The following TACC3 variants were observed in gnomAD, a reference collection of about 807,000 sequenced individuals.
TACC3 encodes transforming acidic coiled-coil-containing protein 3.
TACC3 carries 52 observed loss-of-function variants against 86.0 expected under a neutral mutation model. That is an observed-to-expected ratio of 0.60 (90% CI 0.48 to 0.76). TACC3 has a LOEUF of 0.76. Among genes scored for constraint, TACC3 ranks in the 30% least tolerant of loss-of-function variants. TACC3 has a pLI of 0.00. For missense variants in TACC3, 1,120 were observed against 1,070.4 expected, an observed-to-expected ratio of 1.05 and a Z score of -0.65; for synonymous variants, 512 against 430.0, an observed-to-expected ratio of 1.19 and a Z score of -2.36.
intron 6 of TACC3, 41 bp downstream of exon 6, chr4:1,731,342 AG>A (rs775811752): frequency 6.3e-7 from 1 of 1,599,668 alleles, no homozygotes; most frequent in Admixed American, 1.7e-5. Context: ...GTCTGCCCGG[AG>A]GGGATCCCGT....
chr4:1,743,690 G>GC (rs2108723641), intron 13 of TACC3, among the ~76,000 whole-genome samples: 1 of 152,356 alleles, frequency 6.6e-6, no homozygotes, highest in Admixed American at 6.5e-5. Flanking sequence ...GTGGACGGCA[G>GC]CCCCCAGAGC....
chr4:1,722,068 T>C (rs376619533), intron 1 of TACC3, among the ~76,000 whole-genome samples: 1 of 152,234 alleles, frequency 6.6e-6, no homozygotes, highest in East Asian at 1.9e-4. Context: ...GGCGGACACC[T>C]GGGCCCCTAC....
chr4:1,744,677 C>G (rs778628682), intron 14 of TACC3, 35 bp from the exon 15 acceptor site: 1 of 1,612,174 alleles, frequency 6.2e-7, no homozygotes, highest in South Asian at 1.1e-5. Context: ...CACCTGGGCC[C>G]CAGCTCAGCC....
chr4:1,740,028 C>A (rs377369763), intron 12 of TACC3, 26 bp downstream of exon 12: 2 of 1,612,072 alleles, frequency 1.2e-6, no homozygotes, highest in East Asian at 2.2e-5. Flanking sequence ...ACCGAGGCCA[C>A]GTGCCTCCAC....
chr4:1,732,438 A>G (rs1718050098), intron 6 of TACC3, among the ~76,000 whole-genome samples: 1 of 152,258 alleles, frequency 6.6e-6, no homozygotes, highest in Non-Finnish European at 1.5e-5. Flanking sequence ...TGGAGGCTGC[A>G]GTTAAATAAA....
chr4:1,737,774 G>A (rs542105281), intron 10 of TACC3, 72 bp downstream of exon 10: 199 of 1,375,942 alleles, frequency 1.4e-4, no homozygotes, highest in Admixed American at 3.2e-4. Flanking sequence ...AGTGGGCAGG[G>A]GTCCAACAGC....
intron 12 of TACC3, chr4:1,740,533 C>T (rs981454430): frequency 1.1e-5 from 4 of 355,844 alleles, no homozygotes; most frequent in Non-Finnish European, 2.1e-5. Context: ...CTCGCCATAC[C>T]GGCTCCCAGG....
chr4:1,732,126 C>G (rs1718032097), intron 6 of TACC3, among the ~76,000 whole-genome samples: 1 of 151,456 alleles, frequency 6.6e-6, no homozygotes, highest in Non-Finnish European at 1.5e-5. Flanking sequence ...AGATTGGAGG[C>G]TGCACTTGAA....
At chr4:1,731,602 C>T (rs748476755) in intron 6 of TACC3, among the ~76,000 whole-genome samples, 8 of 152,112 alleles carry the variant, frequency 5.3e-5, no homozygotes, top group Non-Finnish European at 7.3e-5. Flanking sequence ...GAGTCAACAA[C>T]TGGATACTCG....
Position 1,745,092 on chromosome 4 carries a change from T to C in TACC3, c.*79T>C, listed in dbSNP as rs1438188187. 2.1e-6 allele frequency: 3 copies of C among 1,442,228 alleles called. No homozygotes were observed. The highest frequency in any genetic ancestry group is 2.5e-5 in the East Asian group (1 of 40,338). 89.3% of individuals were successfully genotyped at this position (1,442,228 alleles called of 1,614,324 possible). ...GATTCTCTTAGGTGTCATGTTCTTT[T>C]TTCTGTCTTGTCTTCAACTTTTTTA... On this transcript the variant is annotated 3_prime_UTR_variant, in exon 16 of 16. Transcript: ENST00000313288.
chr4:1,726,200 G>A (rs1229776681), intron 3 of TACC3, among the ~76,000 whole-genome samples: 1 of 152,140 alleles, frequency 6.6e-6, no homozygotes, highest in East Asian at 1.9e-4. Context: ...GAGACAGGTG[G>A]GTCCCTGGGA....
chr4:1,740,644 C>T (rs1718546365), intron 12 of TACC3, 182 bp from the exon 13 acceptor site: 3 of 588,848 alleles, frequency 5.1e-6, no homozygotes, highest in Non-Finnish European at 6.0e-6. Flanking sequence ...CAGCTGTTTC[C>T]TGGGCTTTGC....
intron 8 of TACC3, 89 bp from the exon 9 acceptor site, chr4:1,737,152 G>C (rs1186646399): frequency 9.0e-7 from 1 of 1,106,078 alleles, no homozygotes; most frequent in Non-Finnish European, 1.4e-6. Flanking sequence ...AAAAAGCAAA[G>C]AGCCCGGTTA....
chr4:1,735,682 G>A lies in TACC3; in HGVS notation c.1645-49G>A. On this transcript the variant is annotated intron_variant, in intron 7 of 15. Coordinates refer to ENST00000313288, the MANE Select transcript of TACC3 (RefSeq NM_006342.3). This position sits in a 1 kb window ranked among gnomAD's most constrained non-coding sequence, Gnocchi z 4.2. Reference sequence around the variant, plus strand: ...CCTCCCTGGCCCTTAGCCCCCGTGTGTGTTAGGGGATGGCAGTCAGACCTG... The same window carrying A: ...CCTCCCTGGCCCTTAGCCCCCGTGTATGTTAGGGGATGGCAGTCAGACCTG... 1 of 1,455,874 alleles carries A rather than the reference G, an allele frequency of 6.9e-7. No individual in the cohort carries two copies. The highest frequency in any genetic ancestry group is 9.6e-7 in the Non-Finnish European group (1 of 1,038,758). The allele number at this position is 1,455,874 out of a possible 1,614,324, so 90.2% of individuals were successfully genotyped here.
rs569554811 is a variant in TACC3, at chr4:1,722,559, G to A, written c.-1-862G>A. On this transcript the variant is annotated intron_variant, in intron 1 of 15. Coordinates refer to ENST00000313288, the MANE Select transcript of TACC3 (RefSeq NM_006342.3). ...GCTGCAGCACCGACCTGCCGGGGCT[G>A]CCCCCTCTCTCTTCTCCAGGACCCT... Among the ~76,000 whole-genome samples, 10 of 152,204 alleles carry A rather than the reference G, an allele frequency of 6.6e-5. No homozygotes were observed. The East Asian group carries it at 1.9e-3, about 29-fold the overall frequency.
At chr4:1,728,817 GC>G (rs1717856056) in intron 4 of TACC3, 30 bp downstream of exon 4, 5 of 1,565,622 alleles carry the variant, frequency 3.2e-6, no homozygotes, top group African/African-American at 1.4e-5. Flanking sequence ...GGGGAGCGTG[GC>G]GTGGGGCAGC....
chr4:1,720,864 C>G, upstream of TACC3: 1 of 1,551,770 alleles, frequency 6.4e-7, no homozygotes, highest in Non-Finnish European at 8.7e-7. The surrounding 1 kb of genome is among the most constrained non-coding windows in gnomAD (Gnocchi z 4.4). Context: ...AGCTGTCGAG[C>G]TAGGCCCCCG....
chr4:1,726,153 GCCATGCAGTC>G (rs1236493355), intron 3 of TACC3, among the ~76,000 whole-genome samples: 2 of 152,144 alleles, frequency 1.3e-5, no homozygotes, highest in Non-Finnish European at 2.9e-5. Flanking sequence ...GGGGCCCTGC[GCCATGCAGTC>G]CCACATTGTG....
chr4:1,743,665 G>A (rs1368219018), intron 13 of TACC3, among the ~76,000 whole-genome samples: 1 of 152,234 alleles, frequency 6.6e-6, no homozygotes, highest in African/African-American at 2.4e-5. Flanking sequence ...CAGAGGCTGA[G>A]TTGGGAACCA....
Sources: gnomAD v4.1 joint callset for allele counts (sites outside exome capture counted in the v4.1 genomes callset) on GRCh38, gnomAD v4.1.1 for gene constraint, Gnocchi (gnomAD v3.1) non-coding constraint, MANE v1.5 for transcripts, NCBI Gene and HGNC (gene_info 2026-07-23, HGNC 2026-07-21) for gene names.